The following CDK19 variants were observed in gnomAD, a reference collection of about 807,000 sequenced individuals.
The protein encoded by CDK19 is cyclin-dependent kinase 19.
Under a neutral mutation model 68.3 loss-of-function variants are expected in CDK19, and 20 were observed. The observed-to-expected ratio is 0.29, with a 90% confidence interval of 0.21 to 0.43. CDK19 has a LOEUF of 0.43. Among genes scored for constraint, CDK19 ranks in the 20% least tolerant of loss-of-function variants. The probability of loss-of-function intolerance (pLI) is 1.00; values close to 1 mark genes in which losing one functional copy is unlikely to be tolerated. For missense variants in CDK19, 339 were observed against 623.5 expected (o/e 0.54, Z 4.86); for synonymous variants, 221 against 222.8 (o/e 0.99, Z 0.07).
intron 2 of CDK19, among the ~76,000 whole-genome samples, chr6:110,702,019 T>C (rs578004430): frequency 1.7e-4 from 26 of 152,192 alleles, no homozygotes; most frequent in African/African-American, 5.3e-4. Context: ...CACACACCTG[T>C]AGTCCCAGCT....
chr6:110,760,269 G>A (rs951551348), intron 1 of CDK19, among the ~76,000 whole-genome samples: 5 of 151,672 alleles, frequency 3.3e-5, no homozygotes, highest in Non-Finnish European at 5.9e-5. Context: ...GGTGGCACGT[G>A]CCTTACAGTC....
At chr6:110,780,375 T>A (rs1780718729) in intron 1 of CDK19, among the ~76,000 whole-genome samples, 1 of 138,752 alleles carries the variant, frequency 7.2e-6, no homozygotes, top group South Asian at 2.4e-4. Flanking sequence ...GATGACAGAG[T>A]GACACTCTGT....
chr6:110,686,047 C>A (rs1435168927), intron 2 of CDK19, among the ~76,000 whole-genome samples: 2 of 151,992 alleles, frequency 1.3e-5, no homozygotes, highest in Non-Finnish European at 2.9e-5. Context: ...GAGGCAGAAG[C>A]ATGATGGAAA....
intron 2 of CDK19, among the ~76,000 whole-genome samples, chr6:110,701,884 T>G (rs1562212081): frequency 6.6e-6 from 1 of 152,116 alleles, no homozygotes; most frequent in Non-Finnish European, 1.5e-5. Context: ...GGCTCACGCC[T>G]GTAATCCCAG....
intron 10 of CDK19, 152 bp from the exon 11 acceptor site, chr6:110,622,318 G>T: frequency 1.7e-6 from 1 of 587,050 alleles, no homozygotes. Flanking sequence ...CTAGCTAGTT[G>T]ACATATAGGA....
chr6:110,698,958 G>A (rs1353152247), intron 2 of CDK19, among the ~76,000 whole-genome samples: 1 of 151,600 alleles, frequency 6.6e-6, no homozygotes, highest in African/African-American at 2.4e-5. Flanking sequence ...GGGGGTTGAG[G>A]TGGGAGGATT....
Position 110,803,376 on chromosome 6 carries a change from G to C in CDK19, c.128+11633C>G, listed in dbSNP as rs183944702. 1.5e-3 allele frequency among the ~76,000 whole-genome samples: 224 copies of C among 152,272 alleles called. 1 individual carries two copies. Among genetic ancestry groups the C allele is most frequent in the African/African-American group, 5.2e-3 (218 of 41,570 alleles). Reference sequence around the variant, plus strand: ...TTACAGGCGTGAGCCACCGCGTCCAGCCTAGACTTTTACTTTTCATTTTAT... The same window carrying C: ...TTACAGGCGTGAGCCACCGCGTCCACCCTAGACTTTTACTTTTCATTTTAT... On this transcript the variant is annotated intron_variant, in intron 1 of 12. Coordinates refer to ENST00000368911, the MANE Select transcript of CDK19 (RefSeq NM_015076.5).
chr6:110,653,227 A>G (rs534396477), intron 4 of CDK19, among the ~76,000 whole-genome samples: 1 of 152,344 alleles, frequency 6.6e-6, no homozygotes, highest in Non-Finnish European at 1.5e-5. Flanking sequence ...TCAAGGGTAT[A>G]CAAGGCTATG....
chr6:110,634,499 T>C (rs1298345237), intron 5 of CDK19, among the ~76,000 whole-genome samples: 2 of 152,358 alleles, frequency 1.3e-5, no homozygotes, highest in East Asian at 3.9e-4. Context: ...ATTACAGGCA[T>C]GAGCCACTGA....
chr6:110,672,086 G>A (rs951099375), intron 2 of CDK19, among the ~76,000 whole-genome samples: 1 of 152,086 alleles, frequency 6.6e-6, no homozygotes, highest in Non-Finnish European at 1.5e-5. Context: ...CTCTGGCTCT[G>A]GCAAACCCTG....
At chr6:110,623,879 GTA>G (rs554293289) in intron 8 of CDK19, among the ~76,000 whole-genome samples, 34,159 of 113,358 alleles carry the variant, frequency 0.3, 4,403 homozygotes, top group African/African-American at 0.43. Context: ...GTATATATAC[GTA>G]TATATATATG....
At chr6:110,766,093 C>T (rs1017988047) in intron 1 of CDK19, among the ~76,000 whole-genome samples, 5 of 152,156 alleles carry the variant, frequency 3.3e-5, no homozygotes, top group African/African-American at 1.2e-4. Flanking sequence ...AATCCCACTA[C>T]TTGGTATATA....
At chr6:110,644,223 C>T (rs892748746) in intron 4 of CDK19, among the ~76,000 whole-genome samples, 1 of 150,880 alleles carries the variant, frequency 6.6e-6, no homozygotes, top group South Asian at 2.1e-4. Context: ...ACCCCAGAGG[C>T]GGAGGTTGCA....
At chr6:110,638,331 A>C (rs184061260) in intron 5 of CDK19, among the ~76,000 whole-genome samples, 2 of 152,292 alleles carry the variant, frequency 1.3e-5, no homozygotes, top group East Asian at 3.9e-4. Flanking sequence ...TGAGATTTAG[A>C]GGATTATATT....
At chr6:110,793,248 T>C (rs947943879) in intron 1 of CDK19, among the ~76,000 whole-genome samples, 3 of 152,140 alleles carry the variant, frequency 2.0e-5, no homozygotes, top group African/African-American at 7.2e-5. Context: ...AAAATGTCTT[T>C]GTGACAGTAA....
intron 5 of CDK19, among the ~76,000 whole-genome samples, chr6:110,635,365 A>G (rs1779699060): frequency 6.6e-6 from 1 of 152,220 alleles, no homozygotes; most frequent in Non-Finnish European, 1.5e-5. Flanking sequence ...CTAAATTGAA[A>G]GTGGGACTTG....
chr6:110,784,500 T>C (rs867812197), intron 1 of CDK19, among the ~76,000 whole-genome samples: 28 of 152,116 alleles, frequency 1.8e-4, no homozygotes, highest in Middle Eastern at 3.2e-3. Flanking sequence ...CTGACAAGGA[T>C]GTAGAGAACT....
At chr6:110,626,630 G>A in intron 8 of CDK19, 146 bp downstream of exon 8, 1 of 531,458 alleles carries the variant, frequency 1.9e-6, no homozygotes, top group Admixed American at 3.4e-5. Context: ...ACCTTCATGG[G>A]ATTACAAACA....
intron 2 of CDK19, among the ~76,000 whole-genome samples, chr6:110,744,315 AC>A (rs1777918261): frequency 6.6e-6 from 1 of 151,854 alleles, no homozygotes; most frequent in African/African-American, 2.4e-5. Flanking sequence ...AGCCACAAAT[AC>A]CACTTTATAA....
Sources: allele counts gnomAD v4.1 joint callset (sites outside exome capture counted in the v4.1 genomes callset), GRCh38; gene constraint gnomAD v4.1.1; transcripts MANE v1.5; gene names NCBI Gene and HGNC (gene_info 2026-07-23, HGNC 2026-07-21).